Variants in GAS7 observed in about 807,000 individuals in gnomAD.
GAS7 encodes the protein growth arrest-specific protein 7.
In GAS7, 28 loss-of-function variants were observed where a neutral mutation model predicts 71.1. The ratio of observed to expected loss-of-function variants is 0.39; its 90% confidence interval spans 0.29 to 0.54. The LOEUF (loss-of-function observed/expected upper bound fraction) is 0.54. Among genes scored for constraint, GAS7 ranks in the 20% least tolerant of loss-of-function variants. GAS7 has a pLI of 0.62. For synonymous variants in GAS7, 258 were observed against 245.8 expected (o/e 1.05, Z -0.46); for missense variants, 436 against 627.8 (o/e 0.69, Z 3.27).
chr17:10,040,518 A>C (rs1161547202), intron 1 of GAS7, among the ~76,000 whole-genome samples: 1 of 152,170 alleles, frequency 6.6e-6, no homozygotes, highest in Non-Finnish European at 1.5e-5. Flanking sequence ...CCAGGGTATA[A>C]AAAGGTCAAA....
At chr17:10,117,927 T>C (rs998479058) in intron 1 of GAS7, among the ~76,000 whole-genome samples, 1 of 152,160 alleles carries the variant, frequency 6.6e-6, no homozygotes, top group Non-Finnish European at 1.5e-5. Flanking sequence ...TCAAGGTTTT[T>C]GCCTCCAGCG....
intron 1 of GAS7, among the ~76,000 whole-genome samples, chr17:10,046,977 C>T (rs2072984839): frequency 2.0e-5 from 3 of 152,042 alleles, no homozygotes; most frequent in Non-Finnish European, 4.4e-5. Flanking sequence ...ATAATCTGAG[C>T]TGCACTTCAT....
At chr17:10,097,092 G>A (rs141268925) in intron 1 of GAS7, among the ~76,000 whole-genome samples, 10 of 152,288 alleles carry the variant, frequency 6.6e-5, no homozygotes, top group Non-Finnish European at 1.2e-4. Context: ...TGCCCACGCC[G>A]ATCTCTGGCG....
intron 1 of GAS7, among the ~76,000 whole-genome samples, chr17:10,106,017 C>G (rs1259586425): frequency 6.6e-6 from 1 of 152,190 alleles, no homozygotes; most frequent in African/African-American, 2.4e-5. Context: ...CCTTTATCCT[C>G]TCCTCCTGGG....
chr17:9,998,877 C>CTATAACAA (rs2071153487), intron 2 of GAS7, among the ~76,000 whole-genome samples: 1 of 152,124 alleles, frequency 6.6e-6, no homozygotes. Context: ...GTTTCTAGTC[C>CTATAACAA]TATAACAAGA....
At chr17:10,127,468 G>A (rs1375858342) in intron 1 of GAS7, among the ~76,000 whole-genome samples, 1 of 152,144 alleles carries the variant, frequency 6.6e-6, no homozygotes, top group Non-Finnish European at 1.5e-5. Flanking sequence ...TCAAGTTCCT[G>A]TGGGGAACGC....
intron 3 of GAS7, among the ~76,000 whole-genome samples, chr17:9,972,460 G>A (rs1200088130): frequency 6.6e-6 from 1 of 152,182 alleles, no homozygotes; most frequent in Non-Finnish European, 1.5e-5. Context: ...AAAGACAACA[G>A]AAGAAAACCT....
At chr17:10,127,956 C>T (rs567322256) in intron 1 of GAS7, among the ~76,000 whole-genome samples, 25 of 152,370 alleles carry the variant, frequency 1.6e-4, no homozygotes, top group African/African-American at 5.5e-4. Context: ...GACCCCTAAA[C>T]ATCTGGGGCT....
chr17:10,159,962 A>G (rs201490392), intron 1 of GAS7, among the ~76,000 whole-genome samples: 1 of 145,300 alleles, frequency 6.9e-6, no homozygotes, highest in African/African-American at 2.5e-5. Context: ...ATTTTTTTGT[A>G]GAGACAGGGT....
chr17:10,128,846 C>T (rs2073973910), intron 1 of GAS7, among the ~76,000 whole-genome samples: 1 of 128,550 alleles, frequency 7.8e-6, no homozygotes, highest in Admixed American at 7.7e-5. Flanking sequence ...GTCTCGATCT[C>T]CTGACCTCCC....
At chr17:10,006,354 G>C (rs1171175834) in intron 2 of GAS7, among the ~76,000 whole-genome samples, 1 of 101,208 alleles carries the variant, frequency 9.9e-6, no homozygotes, top group African/African-American at 3.9e-5. Flanking sequence ...TTTTGAGACA[G>C]AGTCTCACTC....
At position 10,088,220 on chromosome 17, in the gene GAS7, C is replaced by CAATAATAATAATAAT. The variant is rs58029258; in HGVS notation, c.184-68338_184-68324dup. Among the ~76,000 whole-genome samples the CAATAATAATAATAAT allele has an allele frequency of 9.9e-3, 1,368 of 137,782 alleles. 16 individuals carry two copies. Among genetic ancestry groups the CAATAATAATAATAAT allele is most frequent in the Admixed American group, 0.013 (173 of 13,674 alleles). 90.4% of individuals were successfully genotyped at this position (137,782 alleles called of 152,430 possible). ...GGGGCAACAGAGCGAGACTCTATCT[C>CAATAATAATAATAAT]AATAATAATAATAATAATAATAATA... On this transcript the variant is annotated intron_variant, in intron 1 of 13. Transcript: ENST00000432992.
intron 1 of GAS7, among the ~76,000 whole-genome samples, chr17:10,140,711 T>G (rs191567821): frequency 6.6e-6 from 1 of 152,298 alleles, no homozygotes; most frequent in Admixed American, 6.5e-5. Flanking sequence ...TGCTCCTCAC[T>G]GTAAGTCCAC....
In GAS7 at chr17:9,926,174, A is replaced by G. The variant is rs1462467359; in HGVS notation, c.1014+467T>C. On this transcript the variant is annotated intron_variant, in intron 10 of 13. Transcript: ENST00000432992. The surrounding 1 kb of genome is among the most constrained non-coding windows in gnomAD (Gnocchi z 5.0). ...GACTGGGAATCAGTCCCTGGGGCACACTCTCTTCCCTCTAAGGCTGAACAT... is the reference window on the plus strand; with the variant it reads ...GACTGGGAATCAGTCCCTGGGGCACGCTCTCTTCCCTCTAAGGCTGAACAT... 6.6e-6 allele frequency among the ~76,000 whole-genome samples: 1 copy of G among 151,590 alleles called. No individual in the cohort carries two copies. Among genetic ancestry groups the G allele is most frequent in the Non-Finnish European group, 1.5e-5 (1 of 67,900 alleles).
chr17:10,017,133 A>AACATAAAT (rs2072061559), intron 2 of GAS7, among the ~76,000 whole-genome samples: 1 of 132,436 alleles, frequency 7.6e-6, no homozygotes, highest in Non-Finnish European at 1.6e-5. Context: ...CCTGTCTAAA[A>AACATAAAT]AAATAAATAA....
chr17:10,111,339 T>C (rs75304621), intron 1 of GAS7, among the ~76,000 whole-genome samples: 150,546 of 150,574 alleles, frequency 1, 75,259 homozygotes, highest in Middle Eastern at 1. Flanking sequence ...TGAGACAATG[T>C]TGGATAACAC....
At chr17:10,143,478 G>T (rs1229034154) in intron 1 of GAS7, among the ~76,000 whole-genome samples, 1 of 151,334 alleles carries the variant, frequency 6.6e-6, no homozygotes, top group Non-Finnish European at 1.5e-5. Flanking sequence ...GGAGGCAGAG[G>T]TTGCAGTGAG....
At chr17:10,167,320 G>C (rs558851276) in intron 1 of GAS7, among the ~76,000 whole-genome samples, 1 of 152,114 alleles carries the variant, frequency 6.6e-6, no homozygotes, top group South Asian at 2.1e-4. Context: ...CAGAGTGCTG[G>C]GATTACAGGC....
intron 1 of GAS7, 135 bp downstream of exon 1, chr17:10,198,073 T>C: frequency 2.6e-6 from 2 of 765,542 alleles, no homozygotes; most frequent in Non-Finnish European, 4.2e-6. Flanking sequence ...GAGCTACAGG[T>C]AGCGCCGGCA....
Sources: allele counts gnomAD v4.1 joint callset (sites outside exome capture counted in the v4.1 genomes callset), GRCh38; gene constraint gnomAD v4.1.1; non-coding constraint Gnocchi (gnomAD v3.1); transcripts MANE v1.5; gene names NCBI Gene and HGNC (gene_info 2026-07-23, HGNC 2026-07-21).